AGO2: variants seen among roughly 807,000 people sequenced by gnomAD.
The protein encoded by AGO2 is argonaute RISC catalytic component 2, also known as protein argonaute-2.
AGO2 carries 5 observed loss-of-function variants against 102.3 expected under a neutral mutation model. The observed-to-expected ratio is 0.05, with a 90% CI of 0.03 to 0.10. The LOEUF (loss-of-function observed/expected upper bound fraction) is 0.10. AGO2 is among the 10% of genes least tolerant of loss of function. The pLI is 1.00. For missense variants in AGO2, 541 were observed against 1,183.7 expected, an observed-to-expected ratio of 0.46 and a Z score of 7.97; for synonymous variants, 449 against 473.1, an observed-to-expected ratio of 0.95 and a Z score of 0.66.
intron 13 of AGO2, 29 bp downstream of exon 13, chr8:140,547,439 C>T (rs2072920502): frequency 6.2e-7 from 1 of 1,608,062 alleles, no homozygotes; most frequent in Non-Finnish European, 8.5e-7. Context: ...CCCTGGTCCG[C>T]AGGCGGAGGT....
chr8:140,628,790 CA>C (rs2152110569), intron 1 of AGO2, among the ~76,000 whole-genome samples: 1 of 149,222 alleles, frequency 6.7e-6, no homozygotes, highest in East Asian at 2.0e-4. Context: ...GCAACAACAA[CA>C]ATAATAATAA....
intron 2 of AGO2, among the ~76,000 whole-genome samples, chr8:140,575,169 G>A (rs1016116587): frequency 2.0e-5 from 3 of 152,090 alleles, no homozygotes; most frequent in Non-Finnish European, 2.9e-5. Context: ...GAACAGCCCC[G>A]AAGGCCGTCA....
rs752486186 is a variant in AGO2 at position 140,527,495 on chromosome 8, TAAAA to T, written c.*4545_*4548del. ...TATTTTGAGTCGAAGATTTTCCTCA[TAAAA>T]AAGAGTCAGCGTGTGTGTGTGTAAC... On this transcript the variant is annotated 3_prime_UTR_variant, in exon 19 of 19. Coordinates refer to ENST00000220592, the MANE Select transcript of AGO2 (RefSeq NM_012154.5). The surrounding 1 kb of genome is among the most constrained non-coding windows in gnomAD (Gnocchi z 6.0). 4 of 153,030 alleles carry T rather than the reference TAAAA, an allele frequency of 2.6e-5. No individual in the cohort carries two copies. The highest frequency in any genetic ancestry group is 5.9e-5 in the Non-Finnish European group (4 of 68,010). The allele number at this position is 153,030 out of a possible 1,614,324, so 9.5% of individuals were successfully genotyped here. A position where few individuals can be genotyped will look rare whatever the true frequency, so the allele number is the denominator to read the frequency against.
At chr8:140,553,591 T>C (rs896752522) in intron 10 of AGO2, among the ~76,000 whole-genome samples, 21 of 151,362 alleles carry the variant, frequency 1.4e-4, no homozygotes, top group Admixed American at 2.0e-4. Flanking sequence ...GTATTTTTAG[T>C]AGAGACGGGA....
At chr8:140,559,076 AAC>A (rs2073152446) in intron 6 of AGO2, among the ~76,000 whole-genome samples, 1 of 152,084 alleles carries the variant, frequency 6.6e-6, no homozygotes, top group African/African-American at 2.4e-5. Context: ...GACAAAAGAA[AAC>A]GCATCCTAGG....
intron 1 of AGO2, among the ~76,000 whole-genome samples, chr8:140,590,141 C>G (rs1211198675): frequency 6.6e-6 from 1 of 152,182 alleles, no homozygotes; most frequent in African/African-American, 2.4e-5. Context: ...CTCACCCAGC[C>G]CACGTTCACA....
At chr8:140,611,512 G>A (rs2074078891) in intron 1 of AGO2, among the ~76,000 whole-genome samples, 1 of 152,034 alleles carries the variant, frequency 6.6e-6, no homozygotes, top group Non-Finnish European at 1.5e-5. Context: ...ATTTTTAGTA[G>A]AGACGAGGTT....
intron 2 of AGO2, among the ~76,000 whole-genome samples, chr8:140,577,762 A>T (rs971880280): frequency 6.6e-6 from 1 of 152,136 alleles, no homozygotes; most frequent in Non-Finnish European, 1.5e-5. Flanking sequence ...CACACCCAGG[A>T]TTCAAGGAAA....
chr8:140,564,704 AGGC>A (rs1269935570), intron 3 of AGO2, among the ~76,000 whole-genome samples: 1 of 152,232 alleles, frequency 6.6e-6, no homozygotes, highest in African/African-American at 2.4e-5. Context: ...GCACTTTGGG[AGGC>A]TGAGGCAGAT....
At chr8:140,566,820 C>A (rs1442125842) in intron 3 of AGO2, among the ~76,000 whole-genome samples, 3 of 152,228 alleles carry the variant, frequency 2.0e-5, no homozygotes, top group Non-Finnish European at 4.4e-5. Flanking sequence ...TACGGACTGG[C>A]AGCTACTGGG....
intron 1 of AGO2, among the ~76,000 whole-genome samples, chr8:140,624,076 C>A (rs1277731719): frequency 1.3e-5 from 2 of 151,998 alleles, no homozygotes; most frequent in Non-Finnish European, 2.9e-5. Context: ...GCGCGATGGA[C>A]CGTCCCCTCC....
intron 2 of AGO2, among the ~76,000 whole-genome samples, chr8:140,580,367 A>C (rs562122640): frequency 6.6e-6 from 1 of 152,360 alleles, no homozygotes; most frequent in Non-Finnish European, 1.5e-5. Context: ...TGTTGGACTC[A>C]TTAAACATCT....
rs1294808415 is a variant in AGO2, at chr8:140,525,563, A to G, written c.*6481T>C. 2.6e-5 allele frequency: 4 copies of G among 152,286 alleles called. No homozygotes were observed. The highest frequency in any genetic ancestry group is 5.9e-5 in the Non-Finnish European group (4 of 68,072). The allele number at this position is 152,286 out of a possible 1,614,324, so 9.4% of individuals were successfully genotyped here. A position where few individuals can be genotyped will look rare whatever the true frequency, so the allele number is the denominator to read the frequency against. ...AAGCACGCAACGCAGCATAAAAAGC[A>G]TCGAAACCCCAAACAGCAGAGTGTT... On this transcript the variant is annotated 3_prime_UTR_variant, in exon 19 of 19. Coordinates refer to ENST00000220592, the MANE Select transcript of AGO2 (RefSeq NM_012154.5).
At chr8:140,555,248 TGCAAGCGAGCCCA>T (rs1264057565) in intron 10 of AGO2, among the ~76,000 whole-genome samples, 2 of 152,144 alleles carry the variant, frequency 1.3e-5, no homozygotes, top group Non-Finnish European at 2.9e-5. Flanking sequence ...AACCGTGGTA[TGCAAGCGAGCCCA>T]GGAGGAAATG....
At chr8:140,552,675 C>T (rs1472745611) in intron 10 of AGO2, among the ~76,000 whole-genome samples, 1 of 146,454 alleles carries the variant, frequency 6.8e-6, no homozygotes, top group Non-Finnish European at 1.5e-5. Context: ...ACAGGGAGTG[C>T]ACACACACAC....
intron 1 of AGO2, among the ~76,000 whole-genome samples, chr8:140,613,911 A>G (rs9942752): frequency 0.041 from 6,103 of 149,612 alleles, 350 homozygotes; most frequent in African/African-American, 0.13. Flanking sequence ...CCAGCTACTC[A>G]GGAGGCTGAA....
intron 3 of AGO2, among the ~76,000 whole-genome samples, chr8:140,564,757 A>G (rs1048984853): frequency 2.6e-5 from 4 of 152,078 alleles, no homozygotes; most frequent in Admixed American, 2.6e-4. Flanking sequence ...AGCCTGGCCA[A>G]TGTGGCAAAA....
intron 1 of AGO2, among the ~76,000 whole-genome samples, chr8:140,615,609 G>T (rs1420328447): frequency 6.6e-6 from 1 of 152,282 alleles, no homozygotes; most frequent in East Asian, 1.9e-4. Flanking sequence ...GCTGACATCA[G>T]GTAGGAAATG....
intron 1 of AGO2, among the ~76,000 whole-genome samples, chr8:140,606,995 A>G (rs971942805): frequency 1.3e-5 from 2 of 151,448 alleles, no homozygotes; most frequent in African/African-American, 4.9e-5. Flanking sequence ...CACGCCTGTA[A>G]TCTCAGCACT....
Sources: allele counts gnomAD v4.1 joint callset (sites outside exome capture counted in the v4.1 genomes callset), GRCh38; gene constraint gnomAD v4.1.1; non-coding constraint Gnocchi (gnomAD v3.1); transcripts MANE v1.5; gene names NCBI Gene and HGNC (gene_info 2026-07-23, HGNC 2026-07-21).